Variants in COL24A1 observed in about 807,000 individuals in gnomAD.
The protein encoded by COL24A1 is collagen type XXIV alpha 1 chain.
A neutral mutation model predicts 253.9 loss-of-function variants in COL24A1; 224 were observed. The observed-to-expected ratio is 0.88, with a 90% CI of 0.79 to 0.99. The LOEUF is 0.99. Among genes scored for constraint, COL24A1 ranks in the 50% least tolerant of loss-of-function variants. The pLI, the probability that COL24A1 is intolerant of heterozygous loss-of-function variation, is 0.00. For synonymous variants in COL24A1, 685 were observed against 673.7 expected (o/e 1.02, Z -0.26); for missense variants, 2,131 against 2,068.5 (o/e 1.03, Z -0.59).
intron 19 of COL24A1, among the ~76,000 whole-genome samples, chr1:86,006,492 C>T (rs957462363): frequency 5.3e-5 from 8 of 152,160 alleles, no homozygotes; most frequent in Non-Finnish European, 1.2e-4. Flanking sequence ...ACAGACCTTA[C>T]ACCTGTCACA....
At chr1:85,982,796 T>A (rs1349044826) in intron 20 of COL24A1, among the ~76,000 whole-genome samples, 1 of 152,046 alleles carries the variant, frequency 6.6e-6, no homozygotes, top group Non-Finnish European at 1.5e-5. Context: ...TTTGAGTCAC[T>A]GCTTAAACAC....
At chr1:86,058,042 T>C (rs1571773688) in intron 9 of COL24A1, 67 bp from the exon 10 acceptor site, 2 of 1,300,700 alleles carry the variant, frequency 1.5e-6, no homozygotes, top group Non-Finnish European at 2.2e-6. Flanking sequence ...AATAGATTAA[T>C]AAAAAGGCCA....
At chr1:86,062,036 A>G (rs1275643387) in intron 8 of COL24A1, among the ~76,000 whole-genome samples, 2 of 152,124 alleles carry the variant, frequency 1.3e-5, no homozygotes, top group Non-Finnish European at 2.9e-5. Context: ...ATAAAATAGA[A>G]CAATGCGTAG....
At chr1:85,942,904 G>T (rs1688884726) in intron 24 of COL24A1, among the ~76,000 whole-genome samples, 1 of 152,126 alleles carries the variant, frequency 6.6e-6, no homozygotes, top group Admixed American at 6.6e-5. Flanking sequence ...AATTTTAGGT[G>T]TCAATTTGAC....
chr1:85,956,812 T>A (rs540103917), intron 24 of COL24A1, among the ~76,000 whole-genome samples: 1 of 152,288 alleles, frequency 6.6e-6, no homozygotes, highest in Admixed American at 6.5e-5. Flanking sequence ...GATTTAAGTA[T>A]CATCAACAGT....
chr1:86,081,040 C>G (rs1019176760), intron 7 of COL24A1, among the ~76,000 whole-genome samples: 1 of 151,518 alleles, frequency 6.6e-6, no homozygotes, highest in Admixed American at 6.6e-5. Flanking sequence ...TATAGTTGCA[C>G]GGGGAAATAA....
chr1:86,108,660 AG>A (rs1705243927), intron 5 of COL24A1, among the ~76,000 whole-genome samples: 1 of 146,382 alleles, frequency 6.8e-6, no homozygotes, highest in East Asian at 2.0e-4. Context: ...ATTTTAAATT[AG>A]CCAGGCATGG....
At chr1:85,899,524 A>G (rs1684072946) in intron 28 of COL24A1, among the ~76,000 whole-genome samples, 1 of 152,230 alleles carries the variant, frequency 6.6e-6, no homozygotes, top group African/African-American at 2.4e-5. Flanking sequence ...CCAATGAAGT[A>G]GATATCTCCA....
At chr1:86,100,162 A>T (rs1704325778) in intron 5 of COL24A1, among the ~76,000 whole-genome samples, 4 of 151,736 alleles carry the variant, frequency 2.6e-5, no homozygotes, top group Admixed American at 2.6e-4. Context: ...ATTGGCTCCT[A>T]CTACCTCTCT....
intron 57 of COL24A1, among the ~76,000 whole-genome samples, chr1:85,740,687 C>G (rs1003856003): frequency 6.6e-6 from 1 of 151,482 alleles, no homozygotes; most frequent in East Asian, 2.0e-4. Flanking sequence ...CAAACTGATC[C>G]GAAAAAAATG....
chr1:86,132,017 C>A (rs1417626378), intron 2 of COL24A1, among the ~76,000 whole-genome samples: 1 of 152,078 alleles, frequency 6.6e-6, no homozygotes, highest in South Asian at 2.1e-4. Context: ...ATCCTCCTCT[C>A]CAGCACTTGT....
At chr1:85,933,110 GA>G (rs202030543) in intron 24 of COL24A1, among the ~76,000 whole-genome samples, 16,563 of 66,226 alleles carry the variant, frequency 0.25, 816 homozygotes, top group South Asian at 0.37. Flanking sequence ...AAGAAAGAAA[GA>G]AAAAAAAAAG....
chr1:86,068,014 T>C (rs1701615831), intron 7 of COL24A1, among the ~76,000 whole-genome samples: 1 of 152,228 alleles, frequency 6.6e-6, no homozygotes. Flanking sequence ...TTAAAACACA[T>C]TACAATGAAT....
At chr1:86,035,620 G>A (rs971160556) in intron 12 of COL24A1, among the ~76,000 whole-genome samples, 4 of 152,000 alleles carry the variant, frequency 2.6e-5, no homozygotes, top group African/African-American at 7.2e-5. Flanking sequence ...TTTCTTTTGG[G>A]GGTGATGAAA....
chr1:85,745,408 C>G, intron 56 of COL24A1, 33 bp downstream of exon 56: 1 of 1,509,566 alleles, frequency 6.6e-7, no homozygotes, highest in Non-Finnish European at 9.1e-7. Flanking sequence ...TATTGAGAGA[C>G]AGTGCCAATA....
At chr1:85,850,800 T>C (rs1414603800) in intron 37 of COL24A1, among the ~76,000 whole-genome samples, 1 of 152,152 alleles carries the variant, frequency 6.6e-6, no homozygotes, top group East Asian at 1.9e-4. Context: ...AGAATGCATG[T>C]AAACTTTAGA....
intron 24 of COL24A1, among the ~76,000 whole-genome samples, chr1:85,935,004 G>T (rs1490933247): frequency 6.6e-6 from 1 of 150,506 alleles, no homozygotes; most frequent in Non-Finnish European, 1.5e-5. Context: ...TCAAGATCCA[G>T]ACAACCATAT....
intron 45 of COL24A1, among the ~76,000 whole-genome samples, chr1:85,818,584 C>T (rs911144099): frequency 1.3e-5 from 2 of 152,186 alleles, no homozygotes; most frequent in Non-Finnish European, 2.9e-5. Context: ...GAAGAGCATA[C>T]TTGTGATTCA....
intron 1 of COL24A1, 72 bp downstream of exon 1, chr1:86,156,269 G>T: frequency 6.9e-7 from 1 of 1,447,676 alleles, no homozygotes; most frequent in Non-Finnish European, 9.5e-7. Context: ...TCTCCATCAG[G>T]CTCAGCAGAA....
Sources: gnomAD v4.1 joint callset for allele counts (sites outside exome capture counted in the v4.1 genomes callset) on GRCh38, gnomAD v4.1.1 for gene constraint, MANE v1.5 for transcripts, NCBI Gene and HGNC (gene_info 2026-07-23, HGNC 2026-07-21) for gene names.